Variants in GOLGA2 observed in about 807,000 individuals in gnomAD.
GOLGA2 encodes the protein golgin subfamily A member 2.
GOLGA2 carries 49 observed loss-of-function variants against 148.8 expected under a neutral mutation model. The ratio of observed to expected loss-of-function variants is 0.33; its 90% CI spans 0.26 to 0.42. GOLGA2 has a LOEUF of 0.42. Ranked by LOEUF, GOLGA2 falls within the 10% of genes least tolerant of loss-of-function variation. GOLGA2 has a pLI of 1.00. For missense variants in GOLGA2, 1,178 were observed against 1,304.6 expected, an observed-to-expected ratio of 0.90 and a Z score of 1.49; for synonymous variants, 501 against 511.8, an observed-to-expected ratio of 0.98 and a Z score of 0.28.
rs368496788 is a variant in GOLGA2, at chr9:128,268,468, G to T, written c.345C>A (p.Gly115=). ...GACTGGCACCAGGGGAAGGGACACC[G>T]CCAGGTAACACGGTGTCATCAGATG... ...LQPSDDTVLP[G]GVPSPGASLT... Residue 115 remains glycine (G), a synonymous_variant, in exon 4 of 27, where the codon GGC becomes GGA. Transcript: ENST00000611957. 1.2e-6 allele frequency: 2 copies of T among 1,612,080 alleles called. No homozygotes were observed. Among genetic ancestry groups the T allele is most frequent in the Admixed American group, 1.7e-5 (1 of 60,022 alleles).
chr9:128,268,577 G>C lies in GOLGA2; in HGVS notation c.289-53C>G, dbSNP rs1830744983. On this transcript the variant is annotated intron_variant, in intron 3 of 26. Coordinates refer to ENST00000611957, the MANE Select transcript of GOLGA2 (RefSeq NM_001366244.2). ...GGGGCCATGCGGGAGAGGTGCCTCAGTACTATGAACACAAGGGTGTGGAAC... is the reference window on the plus strand; with the variant it reads ...GGGGCCATGCGGGAGAGGTGCCTCACTACTATGAACACAAGGGTGTGGAAC... 3 of 931,260 alleles carry C rather than the reference G, an allele frequency of 3.2e-6. No homozygotes were observed. The Admixed American group carries it at 5.5e-5, about 17-fold the overall frequency. 57.7% of individuals were successfully genotyped at this position (931,260 alleles called of 1,614,324 possible).
Position 128,259,185 on chromosome 9 carries a change from T to C in GOLGA2, c.2079A>G (p.Gln693=). 1 of 1,592,294 alleles carries C rather than the reference T, an allele frequency of 6.3e-7. No individual in the cohort carries two copies. The highest frequency in any genetic ancestry group is 8.6e-7 in the Non-Finnish European group (1 of 1,168,926). ...QGKAVAEMAR[Q]ELQETQERLE... is the part of the protein sequence containing the mutation. ...CCCTCACCTGGGTTTCCTGCAACTC[T>C]TGGCGGGCCATCTCGGCCACCGCTT... Residue 693 remains glutamine (Q), a synonymous_variant, in exon 20 of 27, where the codon CAA becomes CAG. Transcript: ENST00000611957.
intron 1 of GOLGA2, among the ~76,000 whole-genome samples, 161 bp downstream of exon 1, chr9:128,275,732 G>T (rs1032111098): frequency 6.6e-6 from 1 of 152,118 alleles, no homozygotes; most frequent in African/African-American, 2.4e-5. Flanking sequence ...GGGCGGCTGA[G>T]GGGGCGGGGC....
At chr9:128,264,760 C>G (rs983128334) in intron 12 of GOLGA2, among the ~76,000 whole-genome samples, 5 of 152,164 alleles carry the variant, frequency 3.3e-5, no homozygotes, top group African/African-American at 1.2e-4. Flanking sequence ...AACAGAGGCC[C>G]AGAGAGATCA....
At chr9:128,268,371 G>A in intron 4 of GOLGA2, 49 bp downstream of exon 4, 1 of 1,108,416 alleles carries the variant, frequency 9.0e-7, no homozygotes, top group Non-Finnish European at 1.4e-6. Flanking sequence ...AGAAGATAAT[G>A]CATAATAGGT....
Position 128,272,797 on chromosome 9 carries a change from C to T in GOLGA2, c.276G>A (p.Leu92=), listed in dbSNP as rs1461080529. ...GGCACTGCCTCACCTTCCACTTGTC[C>T]AATGGGGGGAGCGCTACCCCATTGG... ...NRSNGVALPP[L]DKWKTPKDNA... The change falls in exon 3 of 27, where the codon TTG becomes TTA. Residue 92 remains leucine, a synonymous_variant. Transcript: ENST00000611957. The T allele has an allele frequency of 1.6e-6, 2 of 1,261,358 alleles. No homozygotes were observed. The highest frequency in any genetic ancestry group is 2.5e-5 in the South Asian group (2 of 79,960). The allele number at this position is 1,261,358 out of a possible 1,614,324, so 78.1% of individuals were successfully genotyped here. A position where few individuals can be genotyped will look rare whatever the true frequency, so the allele number is the denominator to read the frequency against.
At chr9:128,268,562 G>A (rs542583571) in intron 3 of GOLGA2, 38 bp from the exon 4 acceptor site, 26 of 1,119,042 alleles carry the variant, frequency 2.3e-5, no homozygotes, top group Admixed American at 1.0e-4. Flanking sequence ...GGGGCCATGC[G>A]GGAGAGGTGC....
rs867836374 is a variant in GOLGA2 at position 128,256,826 on chromosome 9, A to G, written c.*241T>C. On this transcript the variant is annotated 3_prime_UTR_variant, in exon 27 of 27. Coordinates refer to ENST00000611957, the MANE Select transcript of GOLGA2 (RefSeq NM_001366244.2). The stretch of plus-strand genomic sequence containing the variant: ...ATAACTTTTATACCATAAGTTACCC[A>G]TAACCTTTTTTATCCCATAACTTTT... The G allele has an allele frequency of 1.9e-5, 7 of 366,952 alleles. No individual in the cohort carries two copies. Among genetic ancestry groups the G allele is most frequent in the Middle Eastern group, 1.3e-3 (2 of 1,536 alleles). 22.7% of individuals were successfully genotyped at this position (366,952 alleles called of 1,614,324 possible). A position where few individuals can be genotyped will look rare whatever the true frequency, so the allele number is the denominator to read the frequency against.
At position 128,273,884 on chromosome 9, in the gene GOLGA2, G is replaced by C. The variant is rs779291984; in HGVS notation, c.173C>G (p.Thr58Arg). 51 of 1,613,978 alleles carry C rather than the reference G, an allele frequency of 3.2e-5. No homozygotes were observed. Among genetic ancestry groups the C allele is most frequent in the Non-Finnish European group, 4.1e-5 (48 of 1,179,952 alleles). Residue 58 changes from threonine to arginine, a missense_variant, in exon 2 of 27, where the codon ACA becomes AGA. Transcript: ENST00000611957. ...KKIKNGSNPE[T>R]TTSGGCHSPE... The stretch of plus-strand genomic sequence containing the variant: ...TGAGTGGCAACCACCAGAAGTGGTT[G>C]TCTCAGGGTTACTGCCATTTTTTAT...
At chr9:128,265,944 G>A (rs1830570051) in intron 10 of GOLGA2, 26 bp downstream of exon 10, 2 of 1,608,980 alleles carry the variant, frequency 1.2e-6, no homozygotes, top group South Asian at 1.1e-5. Context: ...CAGAGGACAG[G>A]ACGGAACTTC....
Position 128,262,586 on chromosome 9 carries a change from T to A in GOLGA2, c.1111A>T (p.Met371Leu). Residue 371 changes from methionine (M) to leucine (L), a missense_variant, in exon 14 of 27, where the codon ATG becomes TTG. By Grantham distance (15) the Met-to-Leu change is conservative. Around this residue, in one of 5 missense-constraint regions of GOLGA2, gnomAD observed 304 missense variants for 404.1 expected, o/e 0.75. Coordinates refer to ENST00000611957, the MANE Select transcript of GOLGA2 (RefSeq NM_001366244.2). ...NLEELQKKLE[M>L]TELLLQQFSS... ...GCCTGTTGAAGCAGGAGTTCCGTCA[T>A]CTCTAACTTCTTTTGCAATTCTTCC... 6.2e-7 allele frequency: 1 copy of A among 1,614,170 alleles called. No individual in the cohort carries two copies. Among genetic ancestry groups the A allele is most frequent in the South Asian group, 1.1e-5 (1 of 91,078 alleles).
chr9:128,266,235 T>A lies in GOLGA2; in HGVS notation c.681+52A>T, dbSNP rs1830589086. The A allele has an allele frequency of 6.6e-7, 1 of 1,523,790 alleles. No individual in the cohort carries two copies. The highest frequency in any genetic ancestry group is 1.1e-5 in the South Asian group (1 of 89,162). The allele number at this position is 1,523,790 out of a possible 1,614,324, so 94.4% of individuals were successfully genotyped here. A position where few individuals can be genotyped will look rare whatever the true frequency, so the allele number is the denominator to read the frequency against. ...CGAGACTGAGGCCTCTACATTTGAA[T>A]GCCCCCCAAACCCAGCAGTCATGTT... On this transcript the variant is annotated intron_variant, in intron 9 of 26. Transcript: ENST00000611957. The surrounding 1 kb of genome is among the most constrained non-coding windows in gnomAD (Gnocchi z 4.2).
intron 3 of GOLGA2, among the ~76,000 whole-genome samples, chr9:128,269,767 C>T (rs778399685): frequency 1.3e-5 from 2 of 152,224 alleles, no homozygotes; most frequent in Non-Finnish European, 2.9e-5. Flanking sequence ...GGAGAAGTGA[C>T]TACACCTCTC....
chr9:128,266,222 C>A lies in GOLGA2; in HGVS notation c.681+65G>T. On this transcript the variant is annotated intron_variant, in intron 9 of 26. Transcript: ENST00000611957. This position sits in a 1 kb window ranked among gnomAD's most constrained non-coding sequence, Gnocchi z 4.2. ...GGAGTGGGTGAGACGAGACTGAGGC[C>A]TCTACATTTGAATGCCCCCCAAACC... 1.4e-6 allele frequency: 2 copies of A among 1,463,040 alleles called. No individual in the cohort carries two copies. The highest frequency in any genetic ancestry group is 1.9e-6 in the Non-Finnish European group (2 of 1,043,130). The allele number at this position is 1,463,040 out of a possible 1,614,324, so 90.6% of individuals were successfully genotyped here.
chr9:128,259,321 T>C lies in GOLGA2; in HGVS notation c.1943A>G (p.Gln648Arg). The stretch of plus-strand genomic sequence containing the variant: ...CAGCTGCTGATAGGCGGCCACATAC[T>C]GCTGCAGGTGTCCCAGGTACTGGTC... The part of the protein sequence containing the change: ...QRDQYLGHLQ[Q>R]YVAAYQQLTS... Residue 648 changes from glutamine (Q) to arginine (R), a missense_variant, in exon 20 of 27, where the codon CAG becomes CGG. This residue lies in a region of GOLGA2 where 529 missense variants were observed against 521.8 expected (regional missense o/e 1.01). Transcript: ENST00000611957. The C allele has an allele frequency of 6.2e-7, 1 of 1,610,486 alleles. No individual in the cohort carries two copies. Among genetic ancestry groups the C allele is most frequent in the Non-Finnish European group, 8.5e-7 (1 of 1,179,018 alleles).
At chr9:128,265,126 T>A (rs2131361404) in intron 12 of GOLGA2, among the ~76,000 whole-genome samples, 1 of 152,298 alleles carries the variant, frequency 6.6e-6, no homozygotes, top group South Asian at 2.1e-4. Context: ...AGAAGGGAAA[T>A]ATCTTCCAGC....
Position 128,259,295 on chromosome 9 carries a change from T to A in GOLGA2, c.1969A>T (p.Thr657Ser). 6.2e-7 allele frequency: 1 copy of A among 1,611,622 alleles called. No individual in the cohort carries two copies. The highest frequency in any genetic ancestry group is 1.7e-5 in the Admixed American group (1 of 59,904). ...TTATGCAGCACCTCCTTCTCAGAGGTCAGCTGCTGATAGGCGGCCACATAC... is the reference window on the plus strand; with the variant it reads ...TTATGCAGCACCTCCTTCTCAGAGGACAGCTGCTGATAGGCGGCCACATAC... Reference protein sequence around the residue: ...QQYVAAYQQLTSEKEVLHNQL... With the variant: ...QQYVAAYQQLSSEKEVLHNQL... The change falls in exon 20 of 27, where the codon ACC becomes TCC. Residue 657 changes from threonine to serine, a missense_variant. Around this residue, in one of 5 missense-constraint regions of GOLGA2, gnomAD observed 529 missense variants for 521.8 expected, o/e 1.01. Transcript: ENST00000611957.
intron 1 of GOLGA2, chr9:128,275,491 CAGG>C: frequency 7.7e-7 from 1 of 1,304,674 alleles, no homozygotes; most frequent in Non-Finnish European, 9.8e-7. Context: ...TTTGGGGCGG[CAGG>C]AGGTGAGGGT....
Position 128,271,035 on chromosome 9 carries a change from CTCTT to C in GOLGA2, c.288+1746_288+1749del, listed in dbSNP as rs1438355709. ...CTGCACTCCAGGAGAAAGAGCAAGA[CTCTT>C]TCTCAAAAACAAAAACAAAACAGCA... On this transcript the variant is annotated intron_variant, in intron 3 of 26. Transcript: ENST00000611957. The surrounding 1 kb of genome is among the most constrained non-coding windows in gnomAD (Gnocchi z 4.4). 6.6e-6 allele frequency among the ~76,000 whole-genome samples: 1 copy of C among 152,130 alleles called. No individual in the cohort carries two copies. The highest frequency in any genetic ancestry group is 2.4e-5 in the African/African-American group (1 of 41,424).
Sources: gnomAD v4.1 joint callset for allele counts (sites outside exome capture counted in the v4.1 genomes callset) on GRCh38, gnomAD v4.1.1 for gene constraint, gnomAD v4.1.1 regional missense constraint, Gnocchi (gnomAD v3.1) non-coding constraint, MANE v1.5 for transcripts, NCBI Gene and HGNC (gene_info 2026-07-23, HGNC 2026-07-21) for gene names.